Variants in DDX27 observed in about 807,000 individuals in gnomAD.
The protein encoded by DDX27 is DEAD-box helicase 27, also known as probable ATP-dependent RNA helicase DDX27.
DDX27 carries 42 observed loss-of-function variants against 99.3 expected under a neutral mutation model. The ratio of observed to expected loss-of-function variants is 0.42; its 90% CI spans 0.33 to 0.55. The LOEUF is 0.55. Among genes scored for constraint, DDX27 ranks in the 20% least tolerant of loss-of-function variants. DDX27 has a pLI of 0.07. For synonymous variants in DDX27, 329 were observed against 353.8 expected (o/e 0.93, Z 0.79); for missense variants, 798 against 976.8 (o/e 0.82, Z 2.44).
chr20:49,225,326 CCA>C, intron 6 of DDX27, 127 bp downstream of exon 6: 1 of 816,232 alleles, frequency 1.2e-6, no homozygotes, highest in South Asian at 1.5e-5. Context: ...GGGATTTGAG[CCA>C]CTGTGCCTGG....
rs1299684681 is a variant in DDX27, at chr20:49,224,363, TTTC to T, written c.467-579_467-577del. Among the ~76,000 whole-genome samples, 91 of 18,160 alleles carry T rather than the reference TTTC, an allele frequency of 5.0e-3. 1 individual carries two copies. The highest frequency in any genetic ancestry group is 0.011 in the African/African-American group (85 of 7,974). The allele number at this position is 18,160 out of a possible 152,430, so 11.9% of individuals were successfully genotyped here. Reference sequence around the variant, plus strand: ...TGGGTGCTCAATAAGTATTTCTTTCTTTCTTTTTTTTTTTTTGAGATGGAGTCT... The same window carrying T: ...TGGGTGCTCAATAAGTATTTCTTTCTTTTTTTTTTTTTTGAGATGGAGTCT... On this transcript the variant is annotated intron_variant, in intron 4 of 20. Coordinates refer to ENST00000618172, the MANE Select transcript of DDX27 (RefSeq NM_017895.8).
Position 49,233,679 on chromosome 20 carries a change from C to G in DDX27, c.1243C>G (p.Arg415Gly). The change falls in exon 11 of 21, where the codon CGT (arginine) becomes GGT (glycine). Residue 415 changes from arginine (R) to glycine (G), a missense_variant. By Grantham distance (125) the Arg-to-Gly change is moderately radical. This residue lies in a region of DDX27 where 553 missense variants were observed against 727.9 expected (regional missense o/e 0.76). Transcript: ENST00000618172. The stretch of plus-strand genomic sequence containing the variant: ...GGAGTTCATCCGGATCCGGCCTAAT[C>G]GTGAAGGAGACCGGGAAGCCATCGT... The part of the protein sequence containing the change: ...RQEFIRIRPN[R>G]EGDREAIVAA... 2 of 1,613,894 alleles carry G rather than the reference C, an allele frequency of 1.2e-6. No individual in the cohort carries two copies. The highest frequency in any genetic ancestry group is 1.7e-6 in the Non-Finnish European group (2 of 1,179,918).
chr20:49,238,985 T>G lies in DDX27; in HGVS notation c.1724T>G (p.Met575Arg). 1 of 1,613,918 alleles carries G rather than the reference T, an allele frequency of 6.2e-7. No individual in the cohort carries two copies. Among genetic ancestry groups the G allele is most frequent in the Non-Finnish European group, 8.5e-7 (1 of 1,179,986 alleles). Residue 575 changes from methionine to arginine, a missense_variant, in exon 15 of 21, where the codon ATG (methionine) becomes AGG (arginine). By Grantham distance (91) the Met-to-Arg change is moderately conservative. Coordinates refer to ENST00000618172, the MANE Select transcript of DDX27 (RefSeq NM_017895.8). ...ILKFRDKIEK[M>R]EKDVYAVLQL... The stretch of plus-strand genomic sequence containing the variant: ...AAATTCCGGGACAAGATTGAGAAAA[T>G]GGAGAAAGATGTGTATGCAGTTCTG...
intron 6 of DDX27, among the ~76,000 whole-genome samples, chr20:49,225,599 G>A (rs1445962873): frequency 1.3e-5 from 2 of 151,952 alleles, no homozygotes; most frequent in African/African-American, 4.8e-5. Flanking sequence ...GGGACTACAG[G>A]CACACGCTGC....
chr20:49,220,102 T>G (rs376150092), intron 1 of DDX27, among the ~76,000 whole-genome samples: 7 of 152,218 alleles, frequency 4.6e-5, no homozygotes, highest in African/African-American at 1.2e-4. Flanking sequence ...CCAGATGTTG[T>G]CCCCTCTGCA....
chr20:49,226,309 T>A, intron 6 of DDX27, 121 bp from the exon 7 acceptor site: 1 of 643,502 alleles, frequency 1.6e-6, no homozygotes, highest in Non-Finnish European at 2.7e-6. Context: ...AGTGAATGTT[T>A]GTGGAACGAA....
At position 49,243,993 on chromosome 20, in the gene DDX27, A is replaced by G. The variant is rs1980569938; in HGVS notation, c.*159A>G. ...GGTATGGTACGTAGCTATTTTCCTA[A>G]GCATGTCTGTCAATCTCCCTTCTTG... On this transcript the variant is annotated 3_prime_UTR_variant, in exon 21 of 21. Transcript: ENST00000618172. 5.2e-6 allele frequency: 4 copies of G among 763,312 alleles called. No homozygotes were observed. In the South Asian group the frequency reaches 7.2e-5, roughly 14 times the overall value. The allele number at this position is 763,312 out of a possible 1,614,324, so 47.3% of individuals were successfully genotyped here.
rs759501818 is a variant in DDX27 at position 49,226,501 on chromosome 20, G to C, written c.672G>C (p.Gly224=). 5.0e-6 allele frequency: 8 copies of C among 1,614,106 alleles called. No individual in the cohort carries two copies. The highest frequency in any genetic ancestry group is 5.1e-6 in the Non-Finnish European group (6 of 1,179,986). The stretch of plus-strand genomic sequence containing the variant: ...CGTGCATACCTGTGGGTCTATTGGG[G>C]AAGGACATCTGTGCCTGTGCAGCCA... The part of the protein sequence containing the change: ...QKACIPVGLL[G]KDICACAATG... Residue 224 remains glycine (G), a synonymous_variant, in exon 7 of 21, where the codon GGG becomes GGC. Coordinates refer to ENST00000618172, the MANE Select transcript of DDX27 (RefSeq NM_017895.8).
intron 6 of DDX27, among the ~76,000 whole-genome samples, chr20:49,225,581 C>T (rs989131955): frequency 6.6e-6 from 1 of 151,974 alleles, no homozygotes; most frequent in African/African-American, 2.4e-5. Context: ...TCAGCCTCCC[C>T]AGCAGCTGGG....
Position 49,219,463 on chromosome 20 carries a change from C to G in DDX27, c.15C>G (p.Leu5=). The G allele has an allele frequency of 6.2e-7, 1 of 1,614,014 alleles. No homozygotes were observed. Among genetic ancestry groups the G allele is most frequent in the Non-Finnish European group, 8.5e-7 (1 of 1,179,974 alleles). MLAD[L]GLIGTIGEDD... Reference sequence around the variant, plus strand: ...TCTGCGACAACATGCTTGCGGACCTCGGCTTAATCGGAACCATAGGCGAGG... The same window carrying G: ...TCTGCGACAACATGCTTGCGGACCTGGGCTTAATCGGAACCATAGGCGAGG... The change falls in exon 1 of 21, where the codon CTC becomes CTG. Residue 5 remains leucine, a synonymous_variant. Coordinates refer to ENST00000618172, the MANE Select transcript of DDX27 (RefSeq NM_017895.8).
chr20:49,228,719 A>G lies in DDX27; in HGVS notation c.711A>G (p.Lys237=). Residue 237 remains lysine, a synonymous_variant, in exon 8 of 21, where the codon AAA becomes AAG. Transcript: ENST00000618172. ...ICACAATGTG[K]TAAFALPVLE... ...CCTTGCTGTCCCTCCCTCCAGGTAA[A>G]ACTGCCGCCTTTGCCCTGCCTGTTT... 1.3e-6 allele frequency: 2 copies of G among 1,596,946 alleles called. No individual in the cohort carries two copies. Among genetic ancestry groups the G allele is most frequent in the South Asian group, 1.1e-5 (1 of 89,926 alleles).
rs1229329366 is a variant in DDX27 at position 49,223,265 on chromosome 20, C to G, written c.301-3C>G. 1 of 1,598,626 alleles carries G rather than the reference C, an allele frequency of 6.3e-7. No individual in the cohort carries two copies. Among genetic ancestry groups the G allele is most frequent in the African/African-American group, 1.4e-5 (1 of 73,530 alleles). ...ATCACCCTCACTTTAATTTTTTTCC[C>G]AGGATAAAGAAGCCAAGTCTGGGAA... On this transcript the variant is annotated splice_region_variant and splice_polypyrimidine_tract_variant and intron_variant, in intron 3 of 20. Transcript: ENST00000618172.
At chr20:49,228,918 C>T (rs376228382) in intron 8 of DDX27, 30 bp downstream of exon 8, 14 of 1,552,048 alleles carry the variant, frequency 9.0e-6, no homozygotes, top group African/African-American at 1.4e-5. Context: ...CTGCCAGCCC[C>T]TGAGAGACTG....
chr20:49,225,126 T>C lies in DDX27; in HGVS notation c.527T>C (p.Phe176Ser). The C allele has an allele frequency of 6.2e-7, 1 of 1,614,126 alleles. No homozygotes were observed. The highest frequency in any genetic ancestry group is 8.5e-7 in the Non-Finnish European group (1 of 1,179,982). The part of the protein sequence containing the change: ...KKKKGQEAGG[F>S]FEDASQYDEN... ...TTTCTGGTGTAGGAAGCAGGAGGAT[T>C]TTTTGAAGATGCATCTCAGTACGAT... The change falls in exon 6 of 21, where the codon TTT becomes TCT. Residue 176 changes from phenylalanine to serine, a missense_variant. By Grantham distance (155) the Phe-to-Ser change is radical. Transcript: ENST00000618172.
chr20:49,225,453 C>CT (rs772387461), intron 6 of DDX27, among the ~76,000 whole-genome samples: 69,758 of 107,262 alleles, frequency 0.65, 24,751 homozygotes, highest in Non-Finnish European at 0.75. Context: ...AGAGAACTCC[C>CT]TTTTTTTTTT....
rs778928882 is a variant in DDX27, at chr20:49,225,213, GT to G, written c.600+15del. ...CCTCTTCTGAAGGTAGCAGCTTCTT[GT>G]CAAAAATTTTCTTTGTAGAAGCATG... On this transcript the variant is annotated intron_variant, in intron 6 of 20. Coordinates refer to ENST00000618172, the MANE Select transcript of DDX27 (RefSeq NM_017895.8). 4 of 1,610,130 alleles carry G rather than the reference GT, an allele frequency of 2.5e-6. No homozygotes were observed. Among genetic ancestry groups the G allele is most frequent in the Admixed American group, 1.7e-5 (1 of 59,910 alleles).
At position 49,230,200 on chromosome 20, in the gene DDX27, C is replaced by T. The variant is rs754145592; in HGVS notation, c.882C>T (p.Gly294=). 93 of 1,610,292 alleles carry T rather than the reference C, an allele frequency of 5.8e-5. No individual in the cohort carries two copies. The South Asian group carries it at 6.3e-4, about 11-fold the overall frequency. The change falls in exon 9 of 21, where the codon GGC becomes GGT. Residue 294 remains glycine (G), a splice_region_variant and synonymous_variant. Transcript: ENST00000618172. The part of the protein sequence containing the change: ...FCNITTCLAV[G]GLDVKSQEAA... Reference sequence around the variant, plus strand: ...GGTGGGGCTCTCTTCTCTTTGCAGGCGGCTTGGATGTGAAGTCTCAGGAAG... The same window carrying T: ...GGTGGGGCTCTCTTCTCTTTGCAGGTGGCTTGGATGTGAAGTCTCAGGAAG...
At chr20:49,229,840 T>A (rs538982678) in intron 8 of DDX27, among the ~76,000 whole-genome samples, 1 of 152,228 alleles carries the variant, frequency 6.6e-6, no homozygotes, top group African/African-American at 2.4e-5. Flanking sequence ...GAGATGGGGT[T>A]TCGCCATGTT....
intron 8 of DDX27, among the ~76,000 whole-genome samples, chr20:49,229,113 C>T (rs1471606385): frequency 6.7e-6 from 1 of 148,290 alleles, no homozygotes; most frequent in Non-Finnish European, 1.5e-5. Flanking sequence ...TCTTGGCTCA[C>T]TGCAAGCTCC....
Sources: allele counts gnomAD v4.1 joint callset (sites outside exome capture counted in the v4.1 genomes callset), GRCh38; gene constraint gnomAD v4.1.1; regional missense constraint gnomAD v4.1.1; transcripts MANE v1.5; gene names NCBI Gene and HGNC (gene_info 2026-07-23, HGNC 2026-07-21).